Variants in PCDHGC5 observed in about 807,000 individuals in gnomAD.
PCDHGC5 encodes the protein protocadherin gamma subfamily C, 5.
PCDHGC5 carries 25 observed loss-of-function variants against 59.0 expected under a neutral mutation model. That is an observed-to-expected ratio of 0.42 (90% CI 0.31 to 0.59). The LOEUF (loss-of-function observed/expected upper bound fraction) is 0.59. Among genes scored for constraint, PCDHGC5 ranks in the 20% least tolerant of loss-of-function variants. The probability of loss-of-function intolerance (pLI) is 0.13; values close to 1 mark genes in which losing one functional copy is unlikely to be tolerated. For missense variants in PCDHGC5, 1,067 were observed against 1,206.4 expected, an observed-to-expected ratio of 0.88 and a Z score of 1.71; for synonymous variants, 434 against 505.5, an observed-to-expected ratio of 0.86 and a Z score of 1.90.
In PCDHGC5 at chr5:141,490,598, G is replaced by A. The variant is rs141484080; in HGVS notation, c.1358G>A (p.Arg453His). The change falls in exon 1 of 4, where the codon CGC becomes CAC. Residue 453 changes from arginine (R) to histidine (H), a missense_variant. Transcript: ENST00000252087. This position sits in a 1 kb window ranked among gnomAD's most constrained non-coding sequence, Gnocchi z 5.4. ...TCAGATGTCAATGACAATGCACCCC[G>A]CTTCAACCAGCAGCTTTACACTGCT... ...NISDVNDNAP[R>H]FNQQLYTAYI... 309 of 1,614,062 alleles carry A rather than the reference G, an allele frequency of 1.9e-4. 2 individuals carry two copies. Among genetic ancestry groups the A allele is most frequent in the Admixed American group, 5.0e-4 (30 of 60,018 alleles).
intron 2 of PCDHGC5, among the ~76,000 whole-genome samples, chr5:141,505,113 G>A (rs1254889990): frequency 6.6e-6 from 1 of 152,178 alleles, no homozygotes; most frequent in East Asian, 1.9e-4. Context: ...AATGAGCCAA[G>A]ATCGCGCCAC....
In PCDHGC5 at chr5:141,511,149, G is replaced by T; in HGVS notation, c.2811G>T (p.Lys937Asn). The change falls in exon 4 of 4, where the codon AAG becomes AAT. Residue 937 changes from lysine to asparagine, a missense_variant. By Grantham distance (94) the Lys-to-Asn change is moderately conservative. Transcript: ENST00000252087. ...APAGGNGNKKKSGKKEKK is the reference protein window; with the variant it reads ...APAGGNGNKKNSGKKEKK The stretch of plus-strand genomic sequence containing the variant: ...CAGGTGGCAATGGCAACAAGAAGAA[G>T]TCGGGCAAGAAGGAGAAGAAGTAAC... 1 of 1,614,176 alleles carries T rather than the reference G, an allele frequency of 6.2e-7. No homozygotes were observed. The highest frequency in any genetic ancestry group is 8.5e-7 in the Non-Finnish European group (1 of 1,179,998).
Position 141,490,271 on chromosome 5 carries a change from A to G in PCDHGC5, c.1031A>G (p.Asn344Ser), listed in dbSNP as rs750463186. 6.8e-6 allele frequency: 11 copies of G among 1,614,246 alleles called. No homozygotes were observed. Among genetic ancestry groups the G allele is most frequent in the Non-Finnish European group, 8.5e-6 (10 of 1,180,054 alleles). The change falls in exon 1 of 4, where the codon AAT (asparagine) becomes AGT (serine). Residue 344 changes from asparagine to serine, a missense_variant. Coordinates refer to ENST00000252087, the MANE Select transcript of PCDHGC5 (RefSeq NM_018929.3). The surrounding 1 kb of genome is among the most constrained non-coding windows in gnomAD (Gnocchi z 5.4). The stretch of plus-strand genomic sequence containing the variant: ...ATTCAAGTGGATGTGGGGGATGTCA[A>G]TGACAATGCCCCAGAGGTGCTATTG... ...CVIQVDVGDV[N>S]DNAPEVLLAS...
At chr5:141,505,085 C>A (rs954289918) in intron 2 of PCDHGC5, among the ~76,000 whole-genome samples, 1 of 152,162 alleles carries the variant, frequency 6.6e-6, no homozygotes, top group Non-Finnish European at 1.5e-5. Context: ...TCGCTTGAAC[C>A]CAGGAGGTGG....
intron 2 of PCDHGC5, among the ~76,000 whole-genome samples, chr5:141,502,654 C>G (rs1424933188): frequency 6.6e-6 from 1 of 152,112 alleles, no homozygotes; most frequent in African/African-American, 2.4e-5. Context: ...TAGGCAGCAA[C>G]CCTTCATGCA....
At chr5:141,492,163 C>T (rs921256341) in intron 1 of PCDHGC5, among the ~76,000 whole-genome samples, 22 of 152,232 alleles carry the variant, frequency 1.4e-4, no homozygotes, top group African/African-American at 5.3e-4. Context: ...CCTCCCTATC[C>T]CCGCATCACC....
At chr5:141,502,139 C>G (rs923501238) in intron 2 of PCDHGC5, among the ~76,000 whole-genome samples, 1 of 152,104 alleles carries the variant, frequency 6.6e-6, no homozygotes, top group Non-Finnish European at 1.5e-5. Flanking sequence ...TCAGTCGGGC[C>G]GGAAGTAAGG....
Position 141,491,324 on chromosome 5 carries a change from T to C in PCDHGC5, c.2084T>C (p.Ile695Thr), listed in dbSNP as rs762200164. 16 of 1,614,060 alleles carry C rather than the reference T, an allele frequency of 9.9e-6. No homozygotes were observed. The highest frequency in any genetic ancestry group is 8.3e-5 in the Admixed American group (5 of 60,010). The change falls in exon 1 of 4, where the codon ATT becomes ACT. Residue 695 changes from isoleucine to threonine, a missense_variant. Ile to Thr is a moderately conservative substitution (Grantham distance 89). Transcript: ENST00000252087. This position sits in a 1 kb window ranked among gnomAD's most constrained non-coding sequence, Gnocchi z 6.9. ...CGTTCAGACCTTACCCTTTACCTCA[T>C]TGTGGCTCTAGCGACCGTCAGTCTC... ...PERSDLTLYLIVALATVSLLS... is the reference protein window; with the variant it reads ...PERSDLTLYLTVALATVSLLS...
intron 2 of PCDHGC5, among the ~76,000 whole-genome samples, chr5:141,505,026 G>A (rs190826538): frequency 4.6e-5 from 7 of 152,316 alleles, no homozygotes; most frequent in African/African-American, 1.7e-4. Context: ...GCCTGGCACA[G>A]TGGCAGGTGC....
intron 2 of PCDHGC5, among the ~76,000 whole-genome samples, chr5:141,498,555 C>T (rs2099784323): frequency 6.6e-6 from 1 of 152,032 alleles, no homozygotes; most frequent in South Asian, 2.1e-4. Flanking sequence ...GACACACCAG[C>T]TTCAAAGCAG....
At chr5:141,505,323 G>C in intron 2 of PCDHGC5, 70 bp from the exon 3 acceptor site, 1 of 1,606,758 alleles carries the variant, frequency 6.2e-7, no homozygotes, top group South Asian at 1.1e-5. Flanking sequence ...GGGAGCCCTG[G>C]GAGAGGACAG....
At position 141,511,355 on chromosome 5, in the gene PCDHGC5, G is replaced by A; in HGVS notation, c.*182G>A. On this transcript the variant is annotated 3_prime_UTR_variant, in exon 4 of 4. Coordinates refer to ENST00000252087, the MANE Select transcript of PCDHGC5 (RefSeq NM_018929.3). ...TCAGCACCTACCCCTTCCCCCCCAG[G>A]GGGTTGAATATGCAAAAGCAGTTCC... 4 of 1,379,256 alleles carry A rather than the reference G, an allele frequency of 2.9e-6. No individual in the cohort carries two copies. The highest frequency in any genetic ancestry group is 3.9e-6 in the Non-Finnish European group (4 of 1,035,886). 85.4% of individuals were successfully genotyped at this position (1,379,256 alleles called of 1,614,324 possible).
chr5:141,492,071 C>T (rs992716777), intron 1 of PCDHGC5: 7 of 481,874 alleles, frequency 1.5e-5, no homozygotes, highest in African/African-American at 1.4e-4. Context: ...CTCCTAGGCG[C>T]CGGCTCCGGC....
rs141958687 is a variant in PCDHGC5 at position 141,509,744 on chromosome 5, G to A, written c.2609-1203G>A. 3.3e-3 allele frequency among the ~76,000 whole-genome samples: 509 copies of A among 152,266 alleles called. 3 individuals are homozygous for A. The highest frequency in any genetic ancestry group is 5.5e-3 in the Non-Finnish European group (372 of 68,024). On this transcript the variant is annotated intron_variant, in intron 3 of 3. Coordinates refer to ENST00000252087, the MANE Select transcript of PCDHGC5 (RefSeq NM_018929.3). ...CACCTAGCTGTGGCACTCTGAGCCT[G>A]TGCCTAAAGTGTCCCTGAGATGTCT...
chr5:141,490,042 G>C lies in PCDHGC5; in HGVS notation c.802G>C (p.Asp268His). 1 of 1,614,266 alleles carries C rather than the reference G, an allele frequency of 6.2e-7. No individual in the cohort carries two copies. Among genetic ancestry groups the C allele is most frequent in the Non-Finnish European group, 8.5e-7 (1 of 1,180,038 alleles). The part of the protein sequence containing the change: ...GTLLLRLNAT[D>H]PDEGTNGQLD... The stretch of plus-strand genomic sequence containing the variant: ...TCTGCTGCTCCGCCTCAATGCCACT[G>C]ATCCAGACGAGGGCACCAACGGCCA... Residue 268 changes from aspartate to histidine, a missense_variant, in exon 1 of 4, where the codon GAT becomes CAT. By Grantham distance (81) the Asp-to-His change is moderately conservative. Coordinates refer to ENST00000252087, the MANE Select transcript of PCDHGC5 (RefSeq NM_018929.3). This position sits in a 1 kb window ranked among gnomAD's most constrained non-coding sequence, Gnocchi z 5.4.
intron 3 of PCDHGC5, among the ~76,000 whole-genome samples, chr5:141,509,419 T>C (rs2154594533): frequency 6.6e-6 from 1 of 152,216 alleles, no homozygotes; most frequent in South Asian, 2.1e-4. Flanking sequence ...CGAGCCCCAA[T>C]GAGTCAAACT....
intron 1 of PCDHGC5, among the ~76,000 whole-genome samples, chr5:141,492,206 G>T (rs1180294159): frequency 6.6e-6 from 1 of 152,204 alleles, no homozygotes; most frequent in African/African-American, 2.4e-5. Context: ...TTAGGTGTGC[G>T]CGCGGGGCTC....
Position 141,490,732 on chromosome 5 carries a change from G to A in PCDHGC5, c.1492G>A (p.Val498Ile), listed in dbSNP as rs775388969. 6.2e-6 allele frequency: 10 copies of A among 1,614,188 alleles called. No homozygotes were observed. The highest frequency in any genetic ancestry group is 8.5e-6 in the Non-Finnish European group (10 of 1,180,042). ...CACCTACTCCATTGTAGGAAATCAG[G>A]TTCAGGGAGCCCCAGCCTCCTCCTT... ...RLTYSIVGNQ[V>I]QGAPASSFVY... Residue 498 changes from valine to isoleucine, a missense_variant, in exon 1 of 4, where the codon GTT becomes ATT. Val to Ile is a conservative substitution (Grantham distance 29). Transcript: ENST00000252087. This position sits in a 1 kb window ranked among gnomAD's most constrained non-coding sequence, Gnocchi z 5.4.
chr5:141,497,385 C>T (rs2154592097), intron 2 of PCDHGC5, among the ~76,000 whole-genome samples: 1 of 152,212 alleles, frequency 6.6e-6, no homozygotes, highest in African/African-American at 2.4e-5. Flanking sequence ...GGGGTGAGCA[C>T]CTTACCCCTG....
Sources: allele counts gnomAD v4.1 joint callset (sites outside exome capture counted in the v4.1 genomes callset), GRCh38; gene constraint gnomAD v4.1.1; non-coding constraint Gnocchi (gnomAD v3.1); transcripts MANE v1.5; gene names NCBI Gene and HGNC (gene_info 2026-07-23, HGNC 2026-07-21).